PKD1L3: variants seen among roughly 807,000 people sequenced by gnomAD.
PKD1L3 encodes polycystin 1 like 3, transient receptor potential channel interacting.
A neutral mutation model predicts 184.1 loss-of-function variants in PKD1L3; 239 were observed. The observed-to-expected ratio is 1.30, with a 90% CI of 1.17 to 1.45. The LOEUF (loss-of-function observed/expected upper bound fraction) is 1.45. Among genes scored for constraint, PKD1L3 ranks in the 40% most tolerant of loss-of-function variants. The pLI is 0.00. For synonymous variants in PKD1L3, 996 were observed against 778.8 expected (o/e 1.28, Z -4.64); for missense variants, 2,660 against 2,067.2 (o/e 1.29, Z -5.56).
chr16:71,956,715 A>C (rs757901665), intron 16 of PKD1L3, among the ~76,000 whole-genome samples: 5 of 152,202 alleles, frequency 3.3e-5, no homozygotes, highest in Non-Finnish European at 5.9e-5. Context: ...TCAGTTTTGC[A>C]AAGTGAAAAA....
At chr16:71,938,378 G>A (rs577628127) in intron 24 of PKD1L3, among the ~76,000 whole-genome samples, 19 of 152,324 alleles carry the variant, frequency 1.2e-4, no homozygotes, top group Admixed American at 3.9e-4. Context: ...CCATGGGCCC[G>A]CAGGTGCCCC....
In PKD1L3 at chr16:71,978,107, C is replaced by T. The variant is rs367687870; in HGVS notation, c.1527+148G>A. 55 of 964,248 alleles carry T rather than the reference C, an allele frequency of 5.7e-5. 1 individual carries two copies. Among genetic ancestry groups the T allele is most frequent in the Admixed American group, 4.0e-4 (15 of 37,190 alleles). 59.7% of individuals were successfully genotyped at this position (964,248 alleles called of 1,614,324 possible). On this transcript the variant is annotated intron_variant, in intron 10 of 29. Coordinates refer to ENST00000620267, the MANE Select transcript of PKD1L3 (RefSeq NM_181536.2). The stretch of plus-strand genomic sequence containing the variant: ...CACTTTTTCTAAGGATAAGGTGTAT[C>T]TCTTTGTAAAAGTTCCTAAGATGTT...
At chr16:71,963,057 CA>C in intron 16 of PKD1L3, 147 bp downstream of exon 16, 1 of 785,104 alleles carries the variant, frequency 1.3e-6, no homozygotes, top group Non-Finnish European at 1.8e-6. Context: ...ATGGTTACAC[CA>C]GTTACAACCA....
chr16:71,970,614 C>G (rs1808439), intron 12 of PKD1L3, among the ~76,000 whole-genome samples: 34,161 of 151,944 alleles, frequency 0.22, 4,221 homozygotes, highest in South Asian at 0.41. Flanking sequence ...TTGAGACCAG[C>G]CTGGACAACA....
chr16:71,965,441 C>T (rs2039465026), intron 15 of PKD1L3, among the ~76,000 whole-genome samples: 1 of 152,046 alleles, frequency 6.6e-6, no homozygotes, highest in Admixed American at 6.6e-5. Flanking sequence ...TGTTTAACTT[C>T]ACAAGAAACT....
rs183328106 is a variant in PKD1L3 at position 71,933,695 on chromosome 16, T to A, written c.4825-174A>T. 1.9e-4 allele frequency among the ~76,000 whole-genome samples: 29 copies of A among 152,310 alleles called. No homozygotes were observed. In the East Asian group the frequency reaches 5.4e-3, roughly 28 times the overall value. ...AATAACATAGTGTTTTCATAGAAGTTTATTTGACCTTTATATTACCGTGTG... is the reference window on the plus strand; with the variant it reads ...AATAACATAGTGTTTTCATAGAAGTATATTTGACCTTTATATTACCGTGTG... On this transcript the variant is annotated intron_variant, in intron 27 of 29. Coordinates refer to ENST00000620267, the MANE Select transcript of PKD1L3 (RefSeq NM_181536.2).
chr16:71,984,784 G>T (rs1171276179), intron 5 of PKD1L3, among the ~76,000 whole-genome samples: 1 of 152,140 alleles, frequency 6.6e-6, no homozygotes, highest in Non-Finnish European at 1.5e-5. Flanking sequence ...TCTTGAACCC[G>T]GGAGGCAGAG....
At chr16:71,944,558 C>T (rs536272494) in intron 22 of PKD1L3, among the ~76,000 whole-genome samples, 16 of 152,220 alleles carry the variant, frequency 1.1e-4, no homozygotes, top group Middle Eastern at 3.4e-3. Flanking sequence ...TGGCTCATGC[C>T]TGTGGTCCCG....
At chr16:71,996,933 G>A (rs1011151408) in intron 2 of PKD1L3, among the ~76,000 whole-genome samples, 6 of 148,908 alleles carry the variant, frequency 4.0e-5, no homozygotes, top group African/African-American at 1.2e-4. Context: ...AGCCTTGGAC[G>A]GACTCCAAAT....
chr16:71,998,430 C>T (rs768223118), intron 1 of PKD1L3, 36 bp from the exon 2 acceptor site: 34 of 1,524,446 alleles, frequency 2.2e-5, no homozygotes, highest in East Asian at 2.2e-4. Context: ...GCCTCATACT[C>T]GAAAGCCAGG....
At position 71,970,058 on chromosome 16, in the gene PKD1L3, G is replaced by C. The variant is rs547477386; in HGVS notation, c.2001C>G (p.His667Gln). 15 of 1,551,704 alleles carry C rather than the reference G, an allele frequency of 9.7e-6. No homozygotes were observed. Among genetic ancestry groups the C allele is most frequent in the African/African-American group, 9.6e-5 (7 of 73,184 alleles). Residue 667 changes from histidine (H) to glutamine (Q), a missense_variant, in exon 13 of 30, where the codon CAC becomes CAG. Coordinates refer to ENST00000620267, the MANE Select transcript of PKD1L3 (RefSeq NM_181536.2). The stretch of plus-strand genomic sequence containing the variant: ...AGAAGTCGCTGGCAAAGAAGGTCAG[G>C]TGGTTACAGAGACACTGTGTCCTCA... ...TILRTQCLCN[H>Q]LTFFASDFFV...
At chr16:71,983,648 C>T (rs1474390415) in intron 6 of PKD1L3, among the ~76,000 whole-genome samples, 1 of 144,458 alleles carries the variant, frequency 6.9e-6, no homozygotes, top group African/African-American at 2.6e-5. Context: ...AAGGCACAAT[C>T]TCCAGATTCT....
chr16:71,950,260 G>A lies in PKD1L3; in HGVS notation c.3241C>T (p.Gln1081Ter). The A allele has an allele frequency of 1.3e-6, 2 of 1,551,594 alleles. No homozygotes were observed. The highest frequency in any genetic ancestry group is 1.7e-6 in the Non-Finnish European group (2 of 1,146,820). ...GTGCCTAAGTGAGATTTCAGCCTCT[G>A]CAGAACTCTATGCAGGTAACAGCAG... ...HFCCYLHRVL[Q>*]RLKSHLGTLG... The change falls in exon 20 of 30, where the codon CAG (glutamine) becomes TAG (stop). Residue 1081 changes from glutamine to a stop codon, truncating the protein, a stop_gained. Coordinates refer to ENST00000620267, the MANE Select transcript of PKD1L3 (RefSeq NM_181536.2). LOFTEE classifies it high-confidence loss of function.
At chr16:71,945,307 C>CACACACACACACACATATAT (rs1440158591) in intron 22 of PKD1L3, among the ~76,000 whole-genome samples, 2 of 37,544 alleles carry the variant, frequency 5.3e-5, no homozygotes, top group African/African-American at 2.2e-4. Flanking sequence ...TATATATATA[C>CACACACACACACACATATAT]ACACACACAC....
chr16:71,982,597 T>C (rs1251304852), intron 6 of PKD1L3, among the ~76,000 whole-genome samples: 1 of 151,642 alleles, frequency 6.6e-6, no homozygotes, highest in Non-Finnish European at 1.5e-5. Flanking sequence ...TGATTGCTTT[T>C]TAAAATTTTA....
At chr16:71,967,769 T>C in intron 14 of PKD1L3, 137 bp downstream of exon 14, 1 of 750,518 alleles carries the variant, frequency 1.3e-6, no homozygotes, top group South Asian at 1.8e-5. Context: ...GCGGCCCACA[T>C]GTACAGTTTA....
intron 16 of PKD1L3, among the ~76,000 whole-genome samples, chr16:71,961,642 C>T (rs910136650): frequency 6.6e-6 from 1 of 152,028 alleles, no homozygotes; most frequent in African/African-American, 2.4e-5. Context: ...GTGAGCGAAT[C>T]ATTTTTGGAA....
chr16:71,987,779 C>CAGGCATG (rs1275916653), intron 4 of PKD1L3, among the ~76,000 whole-genome samples: 1 of 152,146 alleles, frequency 6.6e-6, no homozygotes, highest in Non-Finnish European at 1.5e-5. Context: ...GCTGAGATTA[C>CAGGCATG]AGGCATGAGG....
intron 4 of PKD1L3, among the ~76,000 whole-genome samples, chr16:71,986,816 A>T (rs1455371746): frequency 6.6e-6 from 1 of 152,064 alleles, no homozygotes; most frequent in Non-Finnish European, 1.5e-5. Flanking sequence ...GCAGAGAAAC[A>T]AATTATGTCA....
Sources: allele counts gnomAD v4.1 joint callset (sites outside exome capture counted in the v4.1 genomes callset), GRCh38; gene constraint gnomAD v4.1.1; transcripts MANE v1.5; gene names NCBI Gene and HGNC (gene_info 2026-07-23, HGNC 2026-07-21).